Variants in FLRT2 observed in about 807,000 individuals in gnomAD.
FLRT2 encodes the protein fibronectin leucine rich transmembrane protein 2.
FLRT2 carries 15 observed loss-of-function variants against 40.0 expected under a neutral mutation model. The observed-to-expected ratio is 0.38, with a 90% CI of 0.25 to 0.58. The LOEUF (loss-of-function observed/expected upper bound fraction) is 0.58. FLRT2 is among the 20% of genes least tolerant of loss of function. FLRT2 has a pLI of 0.71. For missense variants in FLRT2, 726 were observed against 840.0 expected (o/e 0.86, Z 1.68); for synonymous variants, 380 against 336.8 (o/e 1.13, Z -1.41).
intron 1 of FLRT2, among the ~76,000 whole-genome samples, chr14:85,587,179 C>T (rs1169680796): frequency 2.0e-5 from 3 of 151,594 alleles, no homozygotes; most frequent in Non-Finnish European, 1.5e-5. Flanking sequence ...AACCTACACA[C>T]ATACACACAC....
At chr14:85,588,912 G>T (rs1891761597) in intron 1 of FLRT2, among the ~76,000 whole-genome samples, 1 of 152,130 alleles carries the variant, frequency 6.6e-6, no homozygotes, top group East Asian at 1.9e-4. Context: ...TTAACATAGT[G>T]ATCTCCAGTT....
chr14:85,609,384 C>T (rs921460640), intron 1 of FLRT2, among the ~76,000 whole-genome samples: 20 of 152,180 alleles, frequency 1.3e-4, no homozygotes, highest in Non-Finnish European at 5.9e-5. Flanking sequence ...CAGGAACTCT[C>T]ACTGGTTTTG....
chr14:85,586,369 C>T (rs1027745788), intron 1 of FLRT2, among the ~76,000 whole-genome samples: 1 of 151,918 alleles, frequency 6.6e-6, no homozygotes, highest in African/African-American at 2.4e-5. Flanking sequence ...ACTGCACTGA[C>T]AATACTGATA....
intron 1 of FLRT2, chr14:85,562,654 A>T (rs1018252140): frequency 7.8e-6 from 1 of 129,008 alleles, no homozygotes; most frequent in Non-Finnish European, 1.6e-5. Context: ...CTCAAGATAT[A>T]TTAAAGACTA....
chr14:85,541,108 T>G (rs546314676), intron 1 of FLRT2, among the ~76,000 whole-genome samples: 12 of 152,198 alleles, frequency 7.9e-5, no homozygotes, highest in Non-Finnish European at 1.5e-4. Context: ...TAGTTTTTAA[T>G]TGGTGATTTT....
chr14:85,615,030 G>A (rs1489388014), intron 1 of FLRT2, among the ~76,000 whole-genome samples: 1 of 151,916 alleles, frequency 6.6e-6, no homozygotes, highest in Admixed American at 6.6e-5. Flanking sequence ...TTTTACTACC[G>A]GGGACCAACT....
At chr14:85,578,529 A>G (rs914880980) in intron 1 of FLRT2, among the ~76,000 whole-genome samples, 1 of 152,186 alleles carries the variant, frequency 6.6e-6, no homozygotes, top group Non-Finnish European at 1.5e-5. Context: ...CGGAGAAGTC[A>G]GCTTATAAAT....
Position 85,539,195 on chromosome 14 carries a change from A to G in FLRT2, c.-377+8661A>G, listed in dbSNP as rs549285165. 1.7e-4 allele frequency among the ~76,000 whole-genome samples: 26 copies of G among 152,076 alleles called. No homozygotes were observed. In the East Asian group the frequency reaches 5.0e-3, roughly 29 times the overall value. On this transcript the variant is annotated intron_variant, in intron 1 of 1. Coordinates refer to ENST00000330753, the MANE Select transcript of FLRT2 (RefSeq NM_013231.6). ...CTCACAACTGCCTCTGAATTTATAC[A>G]GGAAAGTCCTACCTGCCTCACTTCT...
intron 1 of FLRT2, among the ~76,000 whole-genome samples, chr14:85,571,408 A>T (rs554414703): frequency 6.6e-6 from 1 of 152,290 alleles, no homozygotes; most frequent in East Asian, 1.9e-4. Context: ...ACTGTTGACA[A>T]TTGGCAGCAT....
intron 1 of FLRT2, among the ~76,000 whole-genome samples, chr14:85,612,071 A>C (rs1892909460): frequency 1.3e-5 from 2 of 150,858 alleles, no homozygotes. Context: ...CAAAAAAAAA[A>C]AAAAAAAAAA....
At chr14:85,582,317 A>G (rs2139877136) in intron 1 of FLRT2, among the ~76,000 whole-genome samples, 1 of 152,300 alleles carries the variant, frequency 6.6e-6, no homozygotes, top group African/African-American at 2.4e-5. Context: ...AACCTCTGTG[A>G]AAGTGACGGA....
In FLRT2 at chr14:85,623,437, C is replaced by T. The variant is rs1288944006; in HGVS notation, c.1923C>T (p.Ile641=). Residue 641 remains isoleucine, a synonymous_variant, in exon 2 of 2, where the codon ATC becomes ATT. Transcript: ENST00000330753. ...NGGINYTDCH[I]PNNMRYCNSS... is the part of the protein sequence containing the mutation. The stretch of plus-strand genomic sequence containing the variant: ...GCATTAATTACACAGACTGCCATAT[C>T]CCCAACAACATGCGATACTGCAACA... 2 of 1,487,574 alleles carry T rather than the reference C, an allele frequency of 1.3e-6. No homozygotes were observed. Among genetic ancestry groups the T allele is most frequent in the Non-Finnish European group, 1.8e-6 (2 of 1,121,192 alleles). The allele number at this position is 1,487,574 out of a possible 1,614,324, so 92.1% of individuals were successfully genotyped here. A position where few individuals can be genotyped will look rare whatever the true frequency, so the allele number is the denominator to read the frequency against.
intron 1 of FLRT2, among the ~76,000 whole-genome samples, chr14:85,611,917 C>CGTGTGTGTGTGTGTGTGTGTGT (rs71120529): frequency 7.6e-6 from 1 of 130,932 alleles, no homozygotes; most frequent in Non-Finnish European, 1.6e-5. Context: ...TGCGCGAAAG[C>CGTGTGTGTGTGTGTGTGTGTGT]GTGTGTGTGT....
chr14:85,596,891 C>G (rs1892163843), intron 1 of FLRT2, among the ~76,000 whole-genome samples: 1 of 152,174 alleles, frequency 6.6e-6, no homozygotes, highest in East Asian at 1.9e-4. Context: ...AGAAAACAAG[C>G]AAACATTTAA....
chr14:85,597,848 G>A (rs544859825), intron 1 of FLRT2, among the ~76,000 whole-genome samples: 16 of 152,360 alleles, frequency 1.1e-4, no homozygotes, highest in African/African-American at 3.6e-4. Flanking sequence ...ATGTGGAAAC[G>A]TGTGGCTTCA....
rs1267532093 is a variant in FLRT2 at position 85,641,834 on chromosome 14, A to G, written c.*18337A>G. 6.6e-6 allele frequency: 1 copy of G among 151,070 alleles called. No individual in the cohort carries two copies. Among genetic ancestry groups the G allele is most frequent in the African/African-American group, 2.4e-5 (1 of 40,982 alleles). 9.4% of individuals were successfully genotyped at this position (151,070 alleles called of 1,614,324 possible). A position where few individuals can be genotyped will look rare whatever the true frequency, so the allele number is the denominator to read the frequency against. On this transcript the variant is annotated 3_prime_UTR_variant, in exon 2 of 2. Coordinates refer to ENST00000330753, the MANE Select transcript of FLRT2 (RefSeq NM_013231.6). ...CAATCTTATTCATGCATAATGGATC[A>G]CTGATAATTTTTGGCTTGCAATGAG...
Position 85,630,401 on chromosome 14 carries a change from CTT to C in FLRT2, c.*6907_*6908del, listed in dbSNP as rs1286431899. The C allele has an allele frequency of 1.4e-5, 2 of 147,394 alleles. No homozygotes were observed. Among genetic ancestry groups the C allele is most frequent in the African/African-American group, 5.0e-5 (2 of 40,044 alleles). 9.1% of individuals were successfully genotyped at this position (147,394 alleles called of 1,614,324 possible). A position where few individuals can be genotyped will look rare whatever the true frequency, so the allele number is the denominator to read the frequency against. On this transcript the variant is annotated 3_prime_UTR_variant, in exon 2 of 2. Transcript: ENST00000330753. Reference sequence around the variant, plus strand: ...TAATAAACCTCAGTATTGGGTCACTCTTTTCCTAATATAAAAAACTATGCTGG... The same window carrying C: ...TAATAAACCTCAGTATTGGGTCACTCTTCCTAATATAAAAAACTATGCTGG...
At position 85,637,553 on chromosome 14, in the gene FLRT2, A is replaced by T. The variant is rs1256635041; in HGVS notation, c.*14056A>T. ...TTCTTTCTTTCCACAATCGTCTGTC[A>T]CTCCCGGTAGAACTAAGTGATTTTC... On this transcript the variant is annotated 3_prime_UTR_variant, in exon 2 of 2. Transcript: ENST00000330753. The T allele has an allele frequency of 6.6e-6, 1 of 152,016 alleles. No homozygotes were observed. Among genetic ancestry groups the T allele is most frequent in the Non-Finnish European group, 1.5e-5 (1 of 68,012 alleles). 9.4% of individuals were successfully genotyped at this position (152,016 alleles called of 1,614,324 possible).
chr14:85,603,008 T>C (rs1313534380), intron 1 of FLRT2, among the ~76,000 whole-genome samples: 1 of 152,228 alleles, frequency 6.6e-6, no homozygotes, highest in Non-Finnish European at 1.5e-5. Flanking sequence ...ATGAAGTTTA[T>C]CTTAAATGCC....
Sources: gnomAD v4.1 joint callset for allele counts (sites outside exome capture counted in the v4.1 genomes callset) on GRCh38, gnomAD v4.1.1 for gene constraint, MANE v1.5 for transcripts, NCBI Gene and HGNC (gene_info 2026-07-23, HGNC 2026-07-21) for gene names.